Variants in GMPPA observed in about 807,000 individuals in gnomAD.
GMPPA encodes mannose-1-phosphate guanylyltransferase regulatory subunit alpha.
In GMPPA, 46 loss-of-function variants were observed where a neutral mutation model predicts 58.6. The ratio of observed to expected loss-of-function variants is 0.78; its 90% CI spans 0.62 to 1.00. GMPPA has a LOEUF of 1.00. Among genes scored for constraint, GMPPA ranks in the 50% least tolerant of loss-of-function variants. The pLI, the probability that GMPPA is intolerant of heterozygous loss-of-function variation, is 0.00. For missense variants in GMPPA, 468 were observed against 556.4 expected (o/e 0.84, Z 1.60); for synonymous variants, 211 against 214.9 (o/e 0.98, Z 0.16).
intron 3 of GMPPA, chr2:219,501,209 G>A: frequency 2.4e-6 from 1 of 423,432 alleles, no homozygotes; most frequent in African/African-American, 2.0e-5. Context: ...GCTGCAGTGA[G>A]CCAAAATCAT....
chr2:219,499,338 G>C (rs1694306981), intron 1 of GMPPA: 1 of 156,142 alleles, frequency 6.4e-6, no homozygotes. Context: ...TGTTAGTTCA[G>C]TACTTGGGGA....
rs778412273 is a variant in GMPPA, at chr2:219,506,349, C to T, written c.1089C>T (p.Asn363=). 56 of 1,613,744 alleles carry T rather than the reference C, an allele frequency of 3.5e-5. No homozygotes were observed. Among genetic ancestry groups the T allele is most frequent in the Admixed American group, 5.0e-5 (3 of 59,992 alleles). The change falls in exon 12 of 13, where the codon AAC becomes AAT. Residue 363 remains asparagine (N), a synonymous_variant. Transcript: ENST00000313597. ...GTACCCCCAGTGACCCTAACCCCAA[C>T]GATCCCCGAGCCCGCATGGACAGTG... is the stretch of plus-strand genomic sequence containing the variant. ...VEGTPSDPNP[N]DPRARMDSES...
Position 219,502,376 on chromosome 2 carries a change from T to C in GMPPA, c.430-6T>C. On this transcript the variant is annotated splice_region_variant and splice_polypyrimidine_tract_variant and intron_variant, in intron 5 of 12. Transcript: ENST00000313597. This position sits in a 1 kb window ranked among gnomAD's most constrained non-coding sequence, Gnocchi z 4.0. ...GGTCACTGTCTCGGGTGTGTCTGTC[T>C]TTCAGGCTAACAGGACGCAATCCCT... 1 of 1,613,660 alleles carries C rather than the reference T, an allele frequency of 6.2e-7. No homozygotes were observed.
intron 11 of GMPPA, 64 bp downstream of exon 11, chr2:219,506,136 C>T: frequency 6.9e-7 from 1 of 1,452,804 alleles, no homozygotes; most frequent in East Asian, 2.3e-5. Flanking sequence ...GCCCAGGCAT[C>T]CCCCCAAGAA....
At position 219,506,972 on chromosome 2, in the gene GMPPA, A is replaced by C; in HGVS notation, c.*174A>C. 6.7e-6 allele frequency: 4 copies of C among 592,998 alleles called. No homozygotes were observed. Among genetic ancestry groups the C allele is most frequent in the Non-Finnish European group, 6.0e-6 (2 of 330,772 alleles). The allele number at this position is 592,998 out of a possible 1,614,324, so 36.7% of individuals were successfully genotyped here. ...TTTTCTCCCTCCCGACTCCCTAATA[A>C]ACCCCGTGAACCTTGGAGCCAGCAC... is the stretch of plus-strand genomic sequence containing the variant. On this transcript the variant is annotated 3_prime_UTR_variant, in exon 13 of 13. Transcript: ENST00000313597.
intron 10 of GMPPA, 36 bp downstream of exon 10, chr2:219,505,797 G>T: frequency 6.5e-7 from 1 of 1,542,218 alleles, no homozygotes; most frequent in Non-Finnish European, 8.9e-7. Context: ...AGGGAAGGGT[G>T]GTGGTCGGAT....
At position 219,500,231 on chromosome 2, in the gene GMPPA, G is replaced by C. The variant is rs781149084; in HGVS notation, c.138+13G>C. The stretch of plus-strand genomic sequence containing the variant: ...AGCCTGTGCCCAGGTAACCTCAGGG[G>C]CTCCCCTCTCTCACCTCACTTCCTG... On this transcript the variant is annotated intron_variant, in intron 3 of 12. Coordinates refer to ENST00000313597, the MANE Select transcript of GMPPA (RefSeq NM_013335.4). 4.9e-6 allele frequency: 7 copies of C among 1,425,242 alleles called. No homozygotes were observed. The highest frequency in any genetic ancestry group is 1.8e-4 in the Middle Eastern group (1 of 5,688). The allele number at this position is 1,425,242 out of a possible 1,614,324, so 88.3% of individuals were successfully genotyped here.
chr2:219,499,645 T>TTGGGATTTGAGATGTG, intron 1 of GMPPA: 1 of 368,964 alleles, frequency 2.7e-6, no homozygotes, highest in Non-Finnish European at 5.0e-6. Context: ...GGAATCTGGG[T>TTGGGATTTGAGATGTG]TGGGATTTGA....
chr2:219,505,109 G>A (rs1186975561), intron 7 of GMPPA, 119 bp from the exon 8 acceptor site: 1 of 1,190,058 alleles, frequency 8.4e-7, no homozygotes, highest in East Asian at 2.4e-5. Context: ...ACCAGACCTG[G>A]AGAGAGGGGC....
rs773569009 is a variant in GMPPA, at chr2:219,500,157, A to T, written c.77A>T (p.Lys26Ile). Residue 26 changes from lysine (K) to isoleucine (I), a missense_variant, in exon 3 of 13, where the codon AAA (lysine) becomes ATA (isoleucine). Physicochemically the swap from Lys to Ile is moderately radical, Grantham distance 102 (BLOSUM62 -3). Coordinates refer to ENST00000313597, the MANE Select transcript of GMPPA (RefSeq NM_013335.4). ...RFRPLSFEVP[K>I]PLFPVAGVPM... ...AGACCTTTGTCTTTTGAGGTGCCCA[A>T]ACCATTGTTTCCTGTGGCAGGGGTC... 1 of 1,597,910 alleles carries T rather than the reference A, an allele frequency of 6.3e-7. No homozygotes were observed. Among genetic ancestry groups the T allele is most frequent in the African/African-American group, 1.3e-5 (1 of 74,856 alleles).
At chr2:219,505,412 C>T (rs1251612085) in intron 8 of GMPPA, 46 bp from the exon 9 acceptor site, 1 of 1,608,724 alleles carries the variant, frequency 6.2e-7, no homozygotes, top group South Asian at 1.1e-5. Flanking sequence ...GTGGTGGGCA[C>T]AGGCCCTGCT....
rs1694616973 is a variant in GMPPA, at chr2:219,506,954, CCTCCCGA to C, written c.*162_*168del. 1.6e-6 allele frequency: 1 copy of C among 616,884 alleles called. No homozygotes were observed. Among genetic ancestry groups the C allele is most frequent in the African/African-American group, 1.8e-5 (1 of 54,476 alleles). The allele number at this position is 616,884 out of a possible 1,614,324, so 38.2% of individuals were successfully genotyped here. A position where few individuals can be genotyped will look rare whatever the true frequency, so the allele number is the denominator to read the frequency against. ...GGCCTGGGGACTCCTGGGTTTTCTC[CCTCCCGA>C]CTCCCTAATAAACCCCGTGAACCTT... On this transcript the variant is annotated 3_prime_UTR_variant, in exon 13 of 13. Transcript: ENST00000313597.
intron 9 of GMPPA, 54 bp downstream of exon 9, chr2:219,505,609 C>G (rs1394438954): frequency 2.6e-5 from 41 of 1,575,986 alleles, no homozygotes; most frequent in Non-Finnish European, 3.6e-5. Flanking sequence ...GCCCTCTGAA[C>G]CAGGATTCTT....
chr2:219,504,327 C>A, intron 7 of GMPPA, 114 bp downstream of exon 7: 1 of 961,938 alleles, frequency 1.0e-6, no homozygotes. Context: ...TCCCCTCTCC[C>A]TTCTCCACTT....
chr2:219,505,059 G>A, intron 7 of GMPPA, 169 bp from the exon 8 acceptor site: 1 of 878,510 alleles, frequency 1.1e-6, no homozygotes, highest in South Asian at 1.9e-5. Context: ...GGTGGGAGAG[G>A]TTCCTGGGAT....
Position 219,500,146 on chromosome 2 carries a change from T to C in GMPPA, c.66T>C (p.Phe22=), listed in dbSNP as rs1575219520. Residue 22 remains phenylalanine, a synonymous_variant, in exon 3 of 13, where the codon TTT becomes TTC. Coordinates refer to ENST00000313597, the MANE Select transcript of GMPPA (RefSeq NM_013335.4). ...GAACTCGCTTCAGACCTTTGTCTTT[T>C]GAGGTGCCCAAACCATTGTTTCCTG... ...QKGTRFRPLS[F]EVPKPLFPVA... 6.2e-7 allele frequency: 1 copy of C among 1,600,426 alleles called. No homozygotes were observed.
In GMPPA at chr2:219,505,768, A is replaced by G. The variant is rs554955899; in HGVS notation, c.900+7A>G. Reference sequence around the variant, plus strand: ...GGTGGCCCCCTCGGCTGTGGTGAGCACTGGTCCCAGCCCCAGGGAGGGAAG... The same window carrying G: ...GGTGGCCCCCTCGGCTGTGGTGAGCGCTGGTCCCAGCCCCAGGGAGGGAAG... On this transcript the variant is annotated splice_region_variant and intron_variant, in intron 10 of 12. Transcript: ENST00000313597. 12 of 1,598,074 alleles carry G rather than the reference A, an allele frequency of 7.5e-6. No individual in the cohort carries two copies. In the Admixed American group the frequency reaches 1.3e-4, roughly 18 times the overall value.
chr2:219,502,019 C>T lies in GMPPA; in HGVS notation c.411C>T (p.Phe137=). The stretch of plus-strand genomic sequence containing the variant: ...CCCACCGACGCCAGCGTCACCCTTT[C>T]TTACTCCTTGGCACTACGGTGAGGG... ...LEAHRRQRHP[F]LLLGTTANRT... Residue 137 remains phenylalanine, a synonymous_variant, in exon 5 of 13, where the codon TTC becomes TTT. Transcript: ENST00000313597. This position sits in a 1 kb window ranked among gnomAD's most constrained non-coding sequence, Gnocchi z 4.0. The T allele has an allele frequency of 6.2e-7, 1 of 1,614,244 alleles. No homozygotes were observed. The highest frequency in any genetic ancestry group is 8.5e-7 in the Non-Finnish European group (1 of 1,180,042).
At chr2:219,500,088 G>A (rs1694335811) in intron 2 of GMPPA, 33 bp from the exon 3 acceptor site, 3 of 1,600,284 alleles carry the variant, frequency 1.9e-6, no homozygotes, top group African/African-American at 1.3e-5. Context: ...AGGAAGGCAG[G>A]AGGCCGAAAT....
Sources: gnomAD v4.1 joint callset for allele counts on GRCh38, gnomAD v4.1.1 for gene constraint, Gnocchi (gnomAD v3.1) non-coding constraint, MANE v1.5 for transcripts, NCBI Gene and HGNC (gene_info 2026-07-23, HGNC 2026-07-21) for gene names.